SLC4A8: variants seen among roughly 807,000 people sequenced by gnomAD.
SLC4A8 encodes solute carrier family 4 member 8.
SLC4A8 carries 40 observed loss-of-function variants against 125.0 expected under a neutral mutation model. The observed-to-expected ratio is 0.32, with a 90% CI of 0.25 to 0.42. The LOEUF (loss-of-function observed/expected upper bound fraction) is 0.42, where lower values mean the gene tolerates loss of function less well. Ranked by LOEUF, SLC4A8 falls within the 10% of genes least tolerant of loss-of-function variation. The probability of loss-of-function intolerance (pLI) is 1.00; values close to 1 mark genes in which losing one functional copy is unlikely to be tolerated. For missense variants in SLC4A8, 863 were observed against 1,355.1 expected (o/e 0.64, Z 5.70); for synonymous variants, 456 against 476.0 (o/e 0.96, Z 0.55).
At chr12:51,437,906 A>G (rs567916744) in intron 1 of SLC4A8, among the ~76,000 whole-genome samples, 42 of 152,312 alleles carry the variant, frequency 2.8e-4, no homozygotes, top group Admixed American at 1.5e-3. Flanking sequence ...AAATCAGCTA[A>G]GAGTTTTTTT....
chr12:51,428,921 T>G (rs1172341551), intron 1 of SLC4A8, among the ~76,000 whole-genome samples: 1 of 152,232 alleles, frequency 6.6e-6, no homozygotes, highest in Non-Finnish European at 1.5e-5. Context: ...TTATTTTTTA[T>G]TTTTTGAGAT....
At chr12:51,422,342 C>T (rs940337779), upstream of SLC4A8, among the ~76,000 whole-genome samples, 1 of 152,144 alleles carries the variant, frequency 6.6e-6, no homozygotes, top group Non-Finnish European at 1.5e-5. Context: ...GCCAGATCTC[C>T]ACAATTTGAT....
Position 51,495,045 on chromosome 12 carries a change from T to C in SLC4A8, c.2870T>C (p.Leu957Pro), listed in dbSNP as rs1951425473. The C allele has an allele frequency of 6.2e-7, 1 of 1,614,098 alleles. No individual in the cohort carries two copies. Among genetic ancestry groups the C allele is most frequent in the African/African-American group, 1.3e-5 (1 of 74,960 alleles). Residue 957 changes from leucine to proline, a missense_variant, in exon 21 of 25, where the codon CTC becomes CCC. Around this residue, in one of 6 missense-constraint regions of SLC4A8, gnomAD observed 197 missense variants for 377.7 expected, o/e 0.52. Transcript: ENST00000453097. ...CTGCGCAAAGTGCACCTCTTCACCC[T>C]CATCCAGTTGACCTGTCTCGTCCTG... ...VPLRKVHLFT[L>P]IQLTCLVLLW...
intron 2 of SLC4A8, chr12:51,450,665 TTGCAGGCATG>T: frequency 1.8e-6 from 1 of 549,040 alleles, no homozygotes; most frequent in East Asian, 3.2e-5. Context: ...CCTGTGAAGT[TTGCAGGCATG>T]TGCAGGACAA....
chr12:51,512,505 A>G lies in SLC4A8; in HGVS notation c.*5067A>G, dbSNP rs1272008106. ...TACTCTTACTCCCTCCTCTTGTCCA[A>G]CTTCCACCAAACACTCAATCCGAGT... On this transcript the variant is annotated 3_prime_UTR_variant, in exon 25 of 25. Coordinates refer to ENST00000453097, the MANE Select transcript of SLC4A8 (RefSeq NM_001039960.3). 1 of 151,898 alleles carries G rather than the reference A, an allele frequency of 6.6e-6. No individual in the cohort carries two copies. The highest frequency in any genetic ancestry group is 1.5e-5 in the Non-Finnish European group (1 of 67,970). The allele number at this position is 151,898 out of a possible 1,614,324, so 9.4% of individuals were successfully genotyped here.
chr12:51,468,118 C>T (rs887051221), intron 11 of SLC4A8, among the ~76,000 whole-genome samples: 50 of 152,066 alleles, frequency 3.3e-4, no homozygotes, highest in African/African-American at 1.2e-3. Flanking sequence ...TATAAAATGC[C>T]GAGTGGCTCT....
chr12:51,394,919 C>T (rs1310608975), intron 1 of SLC4A8, among the ~76,000 whole-genome samples: 1 of 152,034 alleles, frequency 6.6e-6, no homozygotes, highest in Non-Finnish European at 1.5e-5. Context: ...GTCCCAGTTA[C>T]TTCGGAGGCT....
intron 5 of SLC4A8, 54 bp from the exon 6 acceptor site, chr12:51,457,297 T>C (rs962142302): frequency 6.5e-7 from 1 of 1,527,536 alleles, no homozygotes; most frequent in African/African-American, 1.4e-5. Flanking sequence ...ATGTTGGCCT[T>C]CTTGGGTTCA....
At chr12:51,400,028 C>T (rs1312898178) in intron 1 of SLC4A8, among the ~76,000 whole-genome samples, 1 of 150,860 alleles carries the variant, frequency 6.6e-6, no homozygotes, top group African/African-American at 2.4e-5. Context: ...AAAGGTAGCA[C>T]AGAGGTACGA....
intron 1 of SLC4A8, among the ~76,000 whole-genome samples, chr12:51,402,893 G>A (rs549821444): frequency 2.0e-5 from 3 of 152,204 alleles, no homozygotes; most frequent in South Asian, 2.1e-4. Context: ...TCTTCACAGC[G>A]TTATCCCATG....
rs749571948 is a variant in SLC4A8, at chr12:51,461,268, A to G, written c.1078A>G (p.Met360Val). The change falls in exon 9 of 25, where the codon ATG becomes GTG. Residue 360 changes from methionine (M) to valine (V), a missense_variant. By Grantham distance (21) the Met-to-Val change is conservative. Transcript: ENST00000453097. ...GCAGTACCATGAGATTGGCAGATCC[A>G]TGGCCACCATCATGACAGATGAGGT... is the stretch of plus-strand genomic sequence containing the variant. ...GQQYHEIGRSMATIMTDEIFH... is the reference protein window; with the variant it reads ...GQQYHEIGRSVATIMTDEIFH... 6.2e-7 allele frequency: 1 copy of G among 1,609,340 alleles called. No individual in the cohort carries two copies. The highest frequency in any genetic ancestry group is 8.5e-7 in the Non-Finnish European group (1 of 1,175,756).
intron 1 of SLC4A8, chr12:51,392,224 GT>G (rs1948135204): frequency 1.3e-5 from 2 of 152,322 alleles, no homozygotes; most frequent in African/African-American, 4.8e-5. Flanking sequence ...AGCAGAGGGT[GT>G]TTCTCAAAGT....
At chr12:51,456,798 A>G (rs1185854357) in intron 5 of SLC4A8, among the ~76,000 whole-genome samples, 1 of 152,186 alleles carries the variant, frequency 6.6e-6, no homozygotes, top group Non-Finnish European at 1.5e-5. Context: ...ATAGGTTTAA[A>G]TGTGATGCTT....
chr12:51,459,990 G>A lies in SLC4A8; in HGVS notation c.895G>A (p.Glu299Lys). The A allele has an allele frequency of 6.2e-7, 1 of 1,613,454 alleles. No homozygotes were observed. The highest frequency in any genetic ancestry group is 8.5e-7 in the Non-Finnish European group (1 of 1,179,406). Residue 299 changes from glutamate to lysine, a missense_variant, in exon 8 of 25, where the codon GAG (glutamate) becomes AAG (lysine). By Grantham distance (56) the Glu-to-Lys change is moderately conservative (BLOSUM62 1). Coordinates refer to ENST00000453097, the MANE Select transcript of SLC4A8 (RefSeq NM_001039960.3). ...HFMKKIPTGA[E>K]ASNVLVGEVD... Reference sequence around the variant, plus strand: ...CATGAAAAAAATTCCTACTGGGGCCGAGGCCTCCAATGTCCTGGTTGGAGA... The same window carrying A: ...CATGAAAAAAATTCCTACTGGGGCCAAGGCCTCCAATGTCCTGGTTGGAGA...
chr12:51,432,040 A>G (rs879403817), intron 1 of SLC4A8, among the ~76,000 whole-genome samples: 7 of 152,138 alleles, frequency 4.6e-5, no homozygotes, highest in Non-Finnish European at 1.0e-4. Context: ...AACTGTTTTG[A>G]GGATTAAGTG....
intron 1 of SLC4A8, among the ~76,000 whole-genome samples, chr12:51,427,347 G>T (rs1949026840): frequency 6.6e-6 from 1 of 152,144 alleles, no homozygotes; most frequent in Non-Finnish European, 1.5e-5. Context: ...TTATATTATT[G>T]AGGGCATCAT....
chr12:51,445,914 C>G (rs1227088041), intron 2 of SLC4A8, among the ~76,000 whole-genome samples: 1 of 152,174 alleles, frequency 6.6e-6, no homozygotes. Flanking sequence ...GTATCCCCAG[C>G]CCTTGGGACA....
chr12:51,438,588 G>A (rs899021904), intron 1 of SLC4A8, among the ~76,000 whole-genome samples: 1 of 152,158 alleles, frequency 6.6e-6, no homozygotes, highest in Admixed American at 6.5e-5. Context: ...TGCGATAAAC[G>A]TGGGGATGCA....
At chr12:51,489,562 A>T (rs1951252929) in intron 18 of SLC4A8, 138 bp from the exon 19 acceptor site, 1 of 1,034,694 alleles carries the variant, frequency 9.7e-7, no homozygotes. Context: ...GGGCTACAAG[A>T]CTCCTCTTGG....
Sources: gnomAD v4.1 joint callset for allele counts (sites outside exome capture counted in the v4.1 genomes callset) on GRCh38, gnomAD v4.1.1 for gene constraint, gnomAD v4.1.1 regional missense constraint, MANE v1.5 for transcripts, NCBI Gene and HGNC (gene_info 2026-07-23, HGNC 2026-07-21) for gene names.